RIOX2: variants seen among roughly 807,000 people sequenced by gnomAD.
RIOX2 encodes the protein ribosomal oxygenase 2, also known as 60S ribosomal protein L27a histidine hydroxylase.
Under a neutral mutation model 51.2 loss-of-function variants are expected in RIOX2, and 43 were observed. The observed-to-expected ratio is 0.84, with a 90% CI of 0.66 to 1.08. The LOEUF (loss-of-function observed/expected upper bound fraction) is 1.08, where lower values mean the gene tolerates loss of function less well. Ranked by LOEUF, RIOX2 falls within the 50% of genes least tolerant of loss-of-function variation. The pLI is 0.00. For synonymous variants in RIOX2, 226 were observed against 218.5 expected, an observed-to-expected ratio of 1.03 and a Z score of -0.30; for missense variants, 566 against 561.7, an observed-to-expected ratio of 1.01 and a Z score of -0.08.
At chr3:97,957,904 C>T (rs943268205) in intron 4 of RIOX2, among the ~76,000 whole-genome samples, 1 of 152,198 alleles carries the variant, frequency 6.6e-6, no homozygotes, top group Non-Finnish European at 1.5e-5. Flanking sequence ...CTAGTCCGCT[C>T]TGCTGGTGTA....
intron 2 of RIOX2, among the ~76,000 whole-genome samples, chr3:97,962,719 A>G (rs973615539): frequency 8.5e-5 from 13 of 152,158 alleles, no homozygotes; most frequent in African/African-American, 3.1e-4. Flanking sequence ...ACTGTCTCCA[A>G]GTGCTTTACA....
chr3:97,970,563 C>A (rs1416309564), intron 1 of RIOX2, among the ~76,000 whole-genome samples: 3 of 152,096 alleles, frequency 2.0e-5, no homozygotes, highest in Non-Finnish European at 4.4e-5. Flanking sequence ...TCTTAGAATC[C>A]AATACTATAG....
chr3:97,971,432 T>C (rs181833636), intron 1 of RIOX2, among the ~76,000 whole-genome samples: 3 of 152,344 alleles, frequency 2.0e-5, no homozygotes, highest in Admixed American at 1.3e-4. Context: ...AAATTATATA[T>C]TGCTTGTAAC....
At chr3:97,963,647 T>C (rs1576014134) in intron 2 of RIOX2, among the ~76,000 whole-genome samples, 2 of 152,276 alleles carry the variant, frequency 1.3e-5, no homozygotes, top group East Asian at 3.9e-4. Context: ...CTCTCTCTCT[T>C]TCTCTCTCTG....
rs2040284863 is a variant in RIOX2 at position 97,943,637 on chromosome 3, G to GC, written c.*1546dup. On this transcript the variant is annotated 3_prime_UTR_variant, in exon 10 of 10. Transcript: ENST00000394198. ...CCAAACGTGAATCCTGTTCCTGATGGCCCGTTATTGGACACTGGTGATGCT... is the reference window on the plus strand; with the variant it reads ...CCAAACGTGAATCCTGTTCCTGATGGCCCCGTTATTGGACACTGGTGATGCT... 3.6e-6 allele frequency: 1 copy of GC among 280,976 alleles called. No individual in the cohort carries two copies. Among genetic ancestry groups the GC allele is most frequent in the Admixed American group, 5.8e-5 (1 of 17,138 alleles). The allele number at this position is 280,976 out of a possible 1,614,324, so 17.4% of individuals were successfully genotyped here.
At position 97,952,524 on chromosome 3, in the gene RIOX2, TA is replaced by T. The variant is rs1403243444; in HGVS notation, c.786-1637del. The stretch of plus-strand genomic sequence containing the variant: ...ACTGGTGATGGCCTAATGTTATGAG[TA>T]AACAGAAGCTGAAGAAGGAACAGAA... On this transcript the variant is annotated intron_variant, in intron 5 of 9. Coordinates refer to ENST00000394198, the MANE Select transcript of RIOX2 (RefSeq NM_153182.4). Among the ~76,000 whole-genome samples the T allele has an allele frequency of 6.6e-5, 10 of 152,010 alleles. No individual in the cohort carries two copies. In the East Asian group the frequency reaches 1.9e-3, roughly 29 times the overall value.
rs577531502 is a variant in RIOX2, at chr3:97,944,527, C to A, written c.*657G>T. The stretch of plus-strand genomic sequence containing the variant: ...ACATGCACTTTAGAATGTAAAATAA[C>A]AATGACTATTTTAAACTCGAAGACC... On this transcript the variant is annotated 3_prime_UTR_variant, in exon 10 of 10. Coordinates refer to ENST00000394198, the MANE Select transcript of RIOX2 (RefSeq NM_153182.4). The A allele has an allele frequency of 1.3e-5, 2 of 152,362 alleles. No individual in the cohort carries two copies. The highest frequency in any genetic ancestry group is 4.8e-5 in the African/African-American group (2 of 41,490). 9.4% of individuals were successfully genotyped at this position (152,362 alleles called of 1,614,324 possible).
At chr3:97,945,949 A>G in intron 8 of RIOX2, 62 bp from the exon 9 acceptor site, 1 of 1,246,954 alleles carries the variant, frequency 8.0e-7, no homozygotes, top group Non-Finnish European at 1.2e-6. Flanking sequence ...TGTCAGTACT[A>G]GGAAGGTTTT....
intron 2 of RIOX2, among the ~76,000 whole-genome samples, chr3:97,962,344 T>A (rs1440609255): frequency 6.9e-6 from 1 of 144,012 alleles, no homozygotes; most frequent in Non-Finnish European, 1.5e-5. Context: ...ATGTTAAGTT[T>A]GGAATGCTAA....
intron 1 of RIOX2, chr3:97,971,676 A>T (rs962772370): frequency 1.3e-5 from 2 of 152,306 alleles, no homozygotes; most frequent in South Asian, 2.1e-4. Flanking sequence ...TGAGTAAATC[A>T]GGTTCCTCTG....
chr3:97,969,498 T>G (rs1706037875), intron 1 of RIOX2, among the ~76,000 whole-genome samples: 1 of 152,240 alleles, frequency 6.6e-6, no homozygotes, highest in African/African-American at 2.4e-5. Flanking sequence ...GGCCGATGTC[T>G]GAGAACTTAA....
chr3:97,947,020 T>C (rs760975046), intron 8 of RIOX2, among the ~76,000 whole-genome samples: 2 of 151,968 alleles, frequency 1.3e-5, no homozygotes, highest in East Asian at 1.9e-4. Context: ...CATAGAAATA[T>C]AGATCTGCAC....
intron 4 of RIOX2, among the ~76,000 whole-genome samples, chr3:97,957,339 AC>A (rs2107166601): frequency 6.6e-6 from 1 of 152,166 alleles, no homozygotes; most frequent in African/African-American, 2.4e-5. Context: ...TACTAAAGAT[AC>A]AAAAAATTAG....
At chr3:97,952,356 C>A (rs1291487070) in intron 5 of RIOX2, 2 of 626,520 alleles carry the variant, frequency 3.2e-6, no homozygotes, top group African/African-American at 1.9e-5. Flanking sequence ...TCTTCCCAGC[C>A]CCAGCTGAAA....
At chr3:97,959,217 C>T (rs377642855) in intron 3 of RIOX2, 38 bp from the exon 4 acceptor site, 20 of 1,594,572 alleles carry the variant, frequency 1.3e-5, no homozygotes, top group Admixed American at 1.2e-4. Flanking sequence ...CAGAGAGCTT[C>T]CTGACAACTC....
chr3:97,945,624 T>G lies in RIOX2; in HGVS notation c.1239+174A>C. 9.6e-6 allele frequency: 6 copies of G among 625,542 alleles called. No homozygotes were observed. In the South Asian group the frequency reaches 1.0e-4, roughly 11 times the overall value. The allele number at this position is 625,542 out of a possible 1,614,324, so 38.7% of individuals were successfully genotyped here. ...ATGTCTTAAAACTGGTGTGCATGTA[T>G]CACAGAAATGTCTGACTTAATCATC... On this transcript the variant is annotated intron_variant, in intron 9 of 9. Coordinates refer to ENST00000394198, the MANE Select transcript of RIOX2 (RefSeq NM_153182.4).
chr3:97,971,425 T>C (rs926436856), intron 1 of RIOX2, among the ~76,000 whole-genome samples: 1 of 152,142 alleles, frequency 6.6e-6, no homozygotes, highest in African/African-American at 2.4e-5. Flanking sequence ...CTGTCAGAAA[T>C]TATATATTGC....
intron 6 of RIOX2, 65 bp downstream of exon 6, chr3:97,950,721 G>T: frequency 7.7e-7 from 1 of 1,297,336 alleles, no homozygotes. Context: ...GGTCCTTAAG[G>T]TAGGACTTCA....
At chr3:97,961,359 G>A (rs768851884) in intron 3 of RIOX2, among the ~76,000 whole-genome samples, 2 of 152,176 alleles carry the variant, frequency 1.3e-5, no homozygotes, top group Non-Finnish European at 2.9e-5. Context: ...CTTTAAATTA[G>A]TAAGGTTGGA....
Sources: allele counts gnomAD v4.1 joint callset (sites outside exome capture counted in the v4.1 genomes callset), GRCh38; gene constraint gnomAD v4.1.1; transcripts MANE v1.5; gene names NCBI Gene and HGNC (gene_info 2026-07-23, HGNC 2026-07-21).